The following CD244 variants were observed in gnomAD, a reference collection of about 807,000 sequenced individuals.
CD244 encodes the protein CD244 molecule.
CD244 carries 20 observed loss-of-function variants against 45.5 expected under a neutral mutation model. The ratio of observed to expected loss-of-function variants is 0.44; its 90% CI spans 0.31 to 0.64. The LOEUF (loss-of-function observed/expected upper bound fraction) is 0.64, where lower values mean the gene tolerates loss of function less well. Ranked by LOEUF, CD244 falls within the 30% of genes least tolerant of loss-of-function variation. The pLI, the probability that CD244 is intolerant of heterozygous loss-of-function variation, is 0.08. For missense variants in CD244, 407 were observed against 426.9 expected (o/e 0.95, Z 0.41); for synonymous variants, 185 against 160.5 (o/e 1.15, Z -1.15).
chr1:160,846,054 CT>C lies in CD244; in HGVS notation c.62-4154del, dbSNP rs200526502. On this transcript the variant is annotated intron_variant, in intron 1 of 8. Transcript: ENST00000368034. ...TAAAAAGCAGATGATGGAATGGTAT[CT>C]TTTTTTTTTATTTTTCCATAGGTTA... 3.6e-3 allele frequency among the ~76,000 whole-genome samples: 540 copies of C among 149,078 alleles called. 5 individuals are homozygous for C. The highest frequency in any genetic ancestry group is 0.011 in the African/African-American group (464 of 40,750).
chr1:160,836,229 C>G lies in CD244; in HGVS notation c.860G>C (p.Gly287Ala), dbSNP rs35224927. The change falls in exon 6 of 9, where the codon GGG (glycine) becomes GCG (alanine). Residue 287 changes from glycine (G) to alanine (A), a missense_variant. By Grantham distance (60) the Gly-to-Ala change is moderately conservative. Transcript: ENST00000368034. Reference sequence around the variant, plus strand: ...GATCATAGAGTAGATGGTGCTCCCCCCTCCAGGAAAAGTCTGCTCCTGCTC... The same window carrying G: ...GATCATAGAGTAGATGGTGCTCCCCGCTCCAGGAAAAGTCTGCTCCTGCTC... Reference protein sequence around the residue: ...NHEQEQTFPGGGSTIYSMIQS... With the variant: ...NHEQEQTFPGAGSTIYSMIQS... 35,644 of 1,613,480 alleles carry G rather than the reference C, an allele frequency of 0.022. 460 individuals are homozygous for G. Among genetic ancestry groups the G allele is most frequent in the Middle Eastern group, 0.056 (341 of 6,054 alleles).
chr1:160,854,452 G>A (rs1248613428), intron 1 of CD244, among the ~76,000 whole-genome samples: 9 of 152,120 alleles, frequency 5.9e-5, no homozygotes, highest in East Asian at 3.9e-4. Context: ...GCATGATCTC[G>A]GCTCACTGCA....
intron 1 of CD244, among the ~76,000 whole-genome samples, chr1:160,861,215 A>G (rs1670290844): frequency 6.6e-6 from 1 of 151,574 alleles, no homozygotes; most frequent in Non-Finnish European, 1.5e-5. Flanking sequence ...CCCCCAACCC[A>G]CCCACAAGAG....
chr1:160,838,658 G>T, intron 4 of CD244, 140 bp from the exon 5 acceptor site: 1 of 683,896 alleles, frequency 1.5e-6, no homozygotes. Flanking sequence ...CTCTTCCCAG[G>T]AACCCCAAAG....
Position 160,862,712 on chromosome 1 carries a change from AC to A in CD244, c.-36del. On this transcript the variant is annotated 5_prime_UTR_variant, in exon 1 of 9. Transcript: ENST00000368034. ...ACAGAGGGGCCAGGCCAGCCCCTCCACCCCACCAGACTCTCTGCCGTGCACG... is the reference window on the plus strand; with the variant it reads ...ACAGAGGGGCCAGGCCAGCCCCTCCACCCACCAGACTCTCTGCCGTGCACG... The A allele has an allele frequency of 6.3e-7, 1 of 1,595,746 alleles. No homozygotes were observed. The highest frequency in any genetic ancestry group is 1.1e-5 in the South Asian group (1 of 90,200).
intron 1 of CD244, among the ~76,000 whole-genome samples, chr1:160,845,129 G>T (rs536824663): frequency 6.6e-6 from 1 of 152,098 alleles, no homozygotes; most frequent in African/African-American, 2.4e-5. Flanking sequence ...AACTAAATAG[G>T]TAGTTGTTTT....
Position 160,841,606 on chromosome 1 carries a change from G to C in CD244, c.357C>G (p.Ala119=). The C allele has an allele frequency of 6.2e-7, 1 of 1,614,120 alleles. No individual in the cohort carries two copies. Among genetic ancestry groups the C allele is most frequent in the Non-Finnish European group, 8.5e-7 (1 of 1,180,018 alleles). Residue 119 remains alanine, a synonymous_variant, in exon 2 of 9, where the codon GCC becomes GCG. Transcript: ENST00000368034. ...VTSISGKVQT[A]TFQVFVFDKV... ...TACCAAATACAAAAACCTGGAACGTGGCTGTCTGAACTTTTCCAGATATAC... is the reference window on the plus strand; with the variant it reads ...TACCAAATACAAAAACCTGGAACGTCGCTGTCTGAACTTTTCCAGATATAC...
chr1:160,832,613 A>T lies in CD244; in HGVS notation c.961-38T>A, dbSNP rs143893485. ...AAGGTAAAGAATACTTAACTTCGAG[A>T]TAAGTGCTCTCCCACTCCTAAGTGA... is the stretch of plus-strand genomic sequence containing the variant. On this transcript the variant is annotated intron_variant, in intron 7 of 8. Coordinates refer to ENST00000368034, the MANE Select transcript of CD244 (RefSeq NM_016382.4). 32 of 1,609,192 alleles carry T rather than the reference A, an allele frequency of 2.0e-5. 1 individual carries two copies. The African/African-American group carries it at 3.7e-4, about 19-fold the overall frequency.
At chr1:160,833,653 C>T (rs1293680594) in intron 7 of CD244, among the ~76,000 whole-genome samples, 1 of 152,216 alleles carries the variant, frequency 6.6e-6, no homozygotes, top group Non-Finnish European at 1.5e-5. Context: ...TAGATCCAGT[C>T]TACTCCTCCA....
chr1:160,856,004 G>A (rs1290229877), intron 1 of CD244, among the ~76,000 whole-genome samples: 1 of 152,234 alleles, frequency 6.6e-6, no homozygotes. Flanking sequence ...GGGAGAAGGA[G>A]CACGGGAGGG....
intron 7 of CD244, among the ~76,000 whole-genome samples, chr1:160,833,368 C>G (rs1571083766): frequency 6.6e-6 from 1 of 152,250 alleles, no homozygotes; most frequent in South Asian, 2.1e-4. Flanking sequence ...TCCCAAATTC[C>G]CATACTACCA....
In CD244 at chr1:160,854,846, C is replaced by T. The variant is rs376696143; in HGVS notation, c.61+7771G>A. 1.3e-4 allele frequency among the ~76,000 whole-genome samples: 20 copies of T among 152,200 alleles called. No individual in the cohort carries two copies. In the South Asian group the frequency reaches 1.9e-3, roughly 14 times the overall value. On this transcript the variant is annotated intron_variant, in intron 1 of 8. Coordinates refer to ENST00000368034, the MANE Select transcript of CD244 (RefSeq NM_016382.4). The stretch of plus-strand genomic sequence containing the variant: ...TGGTTTGTCTGCAAATAAAAAGGAG[C>T]TAGAGAGAACACCAGGTGTTGTTTT...
chr1:160,831,324 A>T lies in CD244; in HGVS notation c.*23T>A. On this transcript the variant is annotated 3_prime_UTR_variant, in exon 9 of 9. Coordinates refer to ENST00000368034, the MANE Select transcript of CD244 (RefSeq NM_016382.4). ...CCCAAAGCAGATGCTGATGTGCAAGAAAGGTGAGAATTGCTGCAGCAACTA... is the reference window on the plus strand; with the variant it reads ...CCCAAAGCAGATGCTGATGTGCAAGTAAGGTGAGAATTGCTGCAGCAACTA... The T allele has an allele frequency of 6.3e-7, 1 of 1,594,828 alleles. No individual in the cohort carries two copies. The highest frequency in any genetic ancestry group is 8.6e-7 in the Non-Finnish European group (1 of 1,162,532).
At chr1:160,838,547 G>A in intron 4 of CD244, 29 bp from the exon 5 acceptor site, 8 of 1,538,484 alleles carry the variant, frequency 5.2e-6, no homozygotes, top group Admixed American at 1.7e-5. Context: ...AAAGAGCAGA[G>A]CTGCAGAAAC....
Position 160,830,522 on chromosome 1 carries a change from T to C in CD244, c.*825A>G, listed in dbSNP as rs557000799. On this transcript the variant is annotated 3_prime_UTR_variant, in exon 9 of 9. Transcript: ENST00000368034. The stretch of plus-strand genomic sequence containing the variant: ...CACTCATCAGGACTCAGAACTTAAA[T>C]AGAACATGGTTTCTGAGAGGCCTCT... 6 of 152,488 alleles carry C rather than the reference T, an allele frequency of 3.9e-5. No homozygotes were observed. The highest frequency in any genetic ancestry group is 4.1e-4 in the South Asian group (2 of 4,826). 9.4% of individuals were successfully genotyped at this position (152,488 alleles called of 1,614,324 possible). A position where few individuals can be genotyped will look rare whatever the true frequency, so the allele number is the denominator to read the frequency against.
chr1:160,859,798 T>C (rs1476469470), intron 1 of CD244, among the ~76,000 whole-genome samples: 1 of 150,856 alleles, frequency 6.6e-6, no homozygotes, highest in Non-Finnish European at 1.5e-5. Context: ...TAGTTCCAGC[T>C]ACCAGGGAGG....
chr1:160,830,384 T>C lies in CD244; in HGVS notation c.*963A>G, dbSNP rs1669070500. The C allele has an allele frequency of 1.3e-5, 2 of 152,354 alleles. No homozygotes were observed. The highest frequency in any genetic ancestry group is 6.5e-5 in the Admixed American group (1 of 15,270). The allele number at this position is 152,354 out of a possible 1,614,324, so 9.4% of individuals were successfully genotyped here. ...CACAGCCCTGCTCCCCACAGCCTTG[T>C]TGAAATGTCTGGCCTGACGACTCAG... is the stretch of plus-strand genomic sequence containing the variant. On this transcript the variant is annotated 3_prime_UTR_variant, in exon 9 of 9. Coordinates refer to ENST00000368034, the MANE Select transcript of CD244 (RefSeq NM_016382.4).
At position 160,841,202 on chromosome 1, in the gene CD244, C is replaced by T. The variant is rs1370101240; in HGVS notation, c.655+8G>A. ...AGCGCTTGTTATAGCCCAGTGTGTT[C>T]CACTTACCCTGATGGGCATTCTGAC... On this transcript the variant is annotated splice_region_variant and intron_variant, in intron 3 of 8. Coordinates refer to ENST00000368034, the MANE Select transcript of CD244 (RefSeq NM_016382.4). 6.2e-7 allele frequency: 1 copy of T among 1,613,910 alleles called. No homozygotes were observed. The highest frequency in any genetic ancestry group is 1.1e-5 in the South Asian group (1 of 91,034).
chr1:160,844,758 C>G (rs2101877770), intron 1 of CD244, among the ~76,000 whole-genome samples: 1 of 152,198 alleles, frequency 6.6e-6, no homozygotes, highest in African/African-American at 2.4e-5. Flanking sequence ...GCAGATCACT[C>G]AAGGTCGGGA....
Sources: allele counts gnomAD v4.1 joint callset (sites outside exome capture counted in the v4.1 genomes callset), GRCh38; gene constraint gnomAD v4.1.1; transcripts MANE v1.5; gene names NCBI Gene and HGNC (gene_info 2026-07-23, HGNC 2026-07-21).